Variants in CRPPA observed in about 807,000 individuals in gnomAD.
The protein encoded by CRPPA is D-ribitol-5-phosphate cytidylyltransferase.
A neutral mutation model predicts 52.0 loss-of-function variants in CRPPA; 43 were observed. That is an observed-to-expected ratio of 0.83 (90% CI 0.65 to 1.07). The LOEUF is 1.07. CRPPA is among the 50% of genes least tolerant of loss of function. The pLI is 0.00. For missense variants in CRPPA, 629 were observed against 551.7 expected (o/e 1.14, Z -1.40); for synonymous variants, 250 against 203.5 (o/e 1.23, Z -1.94).
chr7:16,361,980 G>A (rs1018885503), intron 3 of CRPPA, among the ~76,000 whole-genome samples: 1 of 151,844 alleles, frequency 6.6e-6, no homozygotes, highest in African/African-American at 2.4e-5. Flanking sequence ...TCAGCCTCCC[G>A]AGTAGCTGGG....
chr7:16,299,116 T>G (rs1423473478), intron 5 of CRPPA, among the ~76,000 whole-genome samples: 2 of 152,206 alleles, frequency 1.3e-5, no homozygotes, highest in East Asian at 3.9e-4. Flanking sequence ...ACAACCCTGA[T>G]TAATACACTA....
chr7:16,146,665 T>C (rs1782980244), intron 9 of CRPPA, among the ~76,000 whole-genome samples: 1 of 152,190 alleles, frequency 6.6e-6, no homozygotes, highest in African/African-American at 2.4e-5. Context: ...AATTTTGTAT[T>C]AATCCAAAGC....
At chr7:16,097,248 A>T (rs1277128761) in intron 9 of CRPPA, among the ~76,000 whole-genome samples, 1 of 152,038 alleles carries the variant, frequency 6.6e-6, no homozygotes, top group Non-Finnish European at 1.5e-5. Context: ...AAGTAATAAC[A>T]AAAAAAGTGT....
intron 9 of CRPPA, among the ~76,000 whole-genome samples, chr7:16,157,632 A>C (rs1583396534): frequency 1.3e-5 from 2 of 152,044 alleles, no homozygotes; most frequent in East Asian, 3.9e-4. Flanking sequence ...ATTTGCAAGG[A>C]CTTTTCCATA....
Position 16,374,300 on chromosome 7 carries a change from T to C in CRPPA, c.684+1792A>G, listed in dbSNP as rs117326829. Among the ~76,000 whole-genome samples the C allele has an allele frequency of 9.5e-4, 144 of 152,294 alleles. 2 individuals are homozygous for C. In the East Asian group the frequency reaches 0.026, roughly 28 times the overall value. On this transcript the variant is annotated intron_variant, in intron 3 of 9. Transcript: ENST00000407010. The stretch of plus-strand genomic sequence containing the variant: ...GCTGGATGCTTACTCCTGTTCCCTC[T>C]GCCCTTGGACATCAGACAACAGGCT...
chr7:16,399,540 CGA>C lies in CRPPA; in HGVS notation c.534+6519_534+6520del, dbSNP rs539430161. ...GAGCATGATTGACACGTGACTGACA[CGA>C]GATTGACATGAATGACATGACACGT... On this transcript the variant is annotated intron_variant, in intron 2 of 9. Coordinates refer to ENST00000407010, the MANE Select transcript of CRPPA (RefSeq NM_001101426.4). 2.1e-3 allele frequency among the ~76,000 whole-genome samples: 325 copies of C among 151,998 alleles called. 2 individuals are homozygous for C. Among genetic ancestry groups the C allele is most frequent in the African/African-American group, 7.2e-3 (300 of 41,456 alleles).
intron 1 of CRPPA, 52 bp from the exon 2 acceptor site, chr7:16,406,389 G>A (rs1418111685): frequency 5.4e-6 from 8 of 1,481,938 alleles, no homozygotes; most frequent in Non-Finnish European, 9.3e-7. Context: ...GACAACTAAA[G>A]TGAGTAACAG....
intron 9 of CRPPA, among the ~76,000 whole-genome samples, chr7:16,200,328 C>T (rs946648438): frequency 2.6e-5 from 4 of 152,194 alleles, no homozygotes; most frequent in African/African-American, 4.8e-5. Flanking sequence ...AAAACATTCT[C>T]TCACACCAGA....
At chr7:16,099,701 A>G (rs111756033) in intron 9 of CRPPA, among the ~76,000 whole-genome samples, 3 of 152,330 alleles carry the variant, frequency 2.0e-5, no homozygotes, top group African/African-American at 4.8e-5. Context: ...CCTGAAGAAC[A>G]AACAGTTCAT....
chr7:16,326,951 C>T (rs1209063365), intron 3 of CRPPA, among the ~76,000 whole-genome samples: 1 of 152,108 alleles, frequency 6.6e-6, no homozygotes, highest in Non-Finnish European at 1.5e-5. Context: ...TTCTGGCTGT[C>T]CTGATGCAAT....
intron 9 of CRPPA, among the ~76,000 whole-genome samples, chr7:16,185,504 G>A (rs77454746): frequency 0.043 from 6,473 of 152,186 alleles, 194 homozygotes; most frequent in Non-Finnish European, 0.068. Flanking sequence ...TAACAACGGT[G>A]GTGGCAATAG....
intron 3 of CRPPA, among the ~76,000 whole-genome samples, chr7:16,333,204 A>G (rs538468032): frequency 6.6e-6 from 1 of 152,342 alleles, no homozygotes; most frequent in Non-Finnish European, 1.5e-5. Context: ...GACATACTCA[A>G]TGCAAATACA....
intron 2 of CRPPA, among the ~76,000 whole-genome samples, chr7:16,393,516 C>CA (rs1787494160): frequency 6.6e-6 from 1 of 152,024 alleles, no homozygotes; most frequent in South Asian, 2.1e-4. Flanking sequence ...TGGTGCTAGG[C>CA]AAAGACTTAC....
At chr7:16,267,587 C>T (rs907305966) in intron 6 of CRPPA, among the ~76,000 whole-genome samples, 1 of 152,166 alleles carries the variant, frequency 6.6e-6, no homozygotes, top group Non-Finnish European at 1.5e-5. Flanking sequence ...GAGCCAAAGC[C>T]ATTGCCTTTA....
chr7:16,337,200 C>T (rs1785704891), intron 3 of CRPPA, among the ~76,000 whole-genome samples: 1 of 152,058 alleles, frequency 6.6e-6, no homozygotes, highest in Non-Finnish European at 1.5e-5. Flanking sequence ...AACTATTCTC[C>T]AGCACAGATT....
In CRPPA at chr7:16,089,234, ACG is replaced by A. The variant is rs1321387346; in HGVS notation, c.*2459_*2460del. On this transcript the variant is annotated 3_prime_UTR_variant, in exon 10 of 10. Transcript: ENST00000407010. ...TATATACATATATGTGTGTATGCGT[ACG>A]TATATACATATATGTGTGTATGCGT... 1.8e-5 allele frequency: 7 copies of A among 380,246 alleles called. No individual in the cohort carries two copies. Among genetic ancestry groups the A allele is most frequent in the African/African-American group, 1.4e-4 (7 of 48,398 alleles). The allele number at this position is 380,246 out of a possible 1,614,324, so 23.6% of individuals were successfully genotyped here.
chr7:16,146,047 AT>A (rs1782968309), intron 9 of CRPPA, among the ~76,000 whole-genome samples: 1 of 152,202 alleles, frequency 6.6e-6, no homozygotes, highest in Non-Finnish European at 1.5e-5. Flanking sequence ...GTCAAAGACA[AT>A]GAGAGAATTT....
intron 5 of CRPPA, among the ~76,000 whole-genome samples, chr7:16,280,291 G>C (rs1400063799): frequency 6.6e-6 from 1 of 152,186 alleles, no homozygotes; most frequent in African/African-American, 2.4e-5. Flanking sequence ...AGTGTCCTAG[G>C]ACTTTCATTT....
chr7:16,331,385 G>C (rs1160721333), intron 3 of CRPPA, among the ~76,000 whole-genome samples: 1 of 151,992 alleles, frequency 6.6e-6, no homozygotes, highest in Non-Finnish European at 1.5e-5. Flanking sequence ...CCCACACCTT[G>C]CCACATTACT....
Sources: gnomAD v4.1 joint callset for allele counts (sites outside exome capture counted in the v4.1 genomes callset) on GRCh38, gnomAD v4.1.1 for gene constraint, MANE v1.5 for transcripts, NCBI Gene and HGNC (gene_info 2026-07-23, HGNC 2026-07-21) for gene names.